Variants in SUMF1 observed in about 807,000 individuals in gnomAD.
SUMF1 encodes the protein formylglycine-generating enzyme.
Under a neutral mutation model 47.6 loss-of-function variants are expected in SUMF1, and 48 were observed. The ratio of observed to expected loss-of-function variants is 1.01; its 90% CI spans 0.80 to 1.28. The LOEUF is 1.28. Among genes scored for constraint, SUMF1 ranks in the 50% most tolerant of loss-of-function variants. The pLI is 0.00. For synonymous variants in SUMF1, 230 were observed against 192.1 expected, an observed-to-expected ratio of 1.20 and a Z score of -1.63; for missense variants, 571 against 485.4, an observed-to-expected ratio of 1.18 and a Z score of -1.66.
At chr3:4,203,894 C>T (rs1013151172) in intron 8 of SUMF1, among the ~76,000 whole-genome samples, 1 of 151,712 alleles carries the variant, frequency 6.6e-6, no homozygotes, top group Non-Finnish European at 1.5e-5. Context: ...ATTTCAACCC[C>T]CTGCTTTTTA....
At chr3:4,093,046 G>T (rs1165543854) in intron 8 of SUMF1, among the ~76,000 whole-genome samples, 1 of 152,080 alleles carries the variant, frequency 6.6e-6, no homozygotes, top group Non-Finnish European at 1.5e-5. Context: ...TCTGCAATTG[G>T]GTAGACTGGC....
At chr3:4,186,290 T>C (rs936298560) in intron 8 of SUMF1, among the ~76,000 whole-genome samples, 2 of 152,154 alleles carry the variant, frequency 1.3e-5, no homozygotes, top group African/African-American at 4.8e-5. Context: ...GGCATAATGT[T>C]TGTATTTGGA....
intron 8 of SUMF1, among the ~76,000 whole-genome samples, chr3:4,132,950 C>A (rs546973515): frequency 1.3e-5 from 2 of 152,160 alleles, no homozygotes; most frequent in South Asian, 2.1e-4. Context: ...ATGGCCCACA[C>A]CCTTCAGGAA....
intron 8 of SUMF1, among the ~76,000 whole-genome samples, chr3:4,331,406 C>A (rs1699049551): frequency 6.6e-6 from 1 of 152,158 alleles, no homozygotes. Context: ...ACAATGTTAA[C>A]TTTTAGTAAC....
At chr3:4,109,831 C>A (rs1196813367) in intron 8 of SUMF1, among the ~76,000 whole-genome samples, 1 of 152,044 alleles carries the variant, frequency 6.6e-6, no homozygotes, top group East Asian at 1.9e-4. Flanking sequence ...TTCATCTAAT[C>A]TTTTTTCAAA....
chr3:4,303,286 C>A, intron 8 of SUMF1: 1 of 1,363,654 alleles, frequency 7.3e-7, no homozygotes, highest in Non-Finnish European at 9.7e-7. Context: ...TCCCATGAGG[C>A]GGTGGGGCCA....
intron 8 of SUMF1, among the ~76,000 whole-genome samples, chr3:4,092,015 CAAGG>C (rs1692798438): frequency 6.6e-6 from 1 of 152,076 alleles, no homozygotes; most frequent in Non-Finnish European, 1.5e-5. Context: ...GCCACATCAG[CAAGG>C]AGTAAAGGAG....
Position 4,328,120 on chromosome 3 carries a change from A to T in SUMF1, c.1014+48210T>A, listed in dbSNP as rs75947703. On this transcript the variant is annotated intron_variant and NMD_transcript_variant, in intron 8 of 12. Transcript: ENST00000448413. Reference sequence around the variant, plus strand: ...GTAGTCCAAGGTACTTAGGAGGCTGAGGTGGGAGGATTGTGTGAGTCTGTA... The same window carrying T: ...GTAGTCCAAGGTACTTAGGAGGCTGTGGTGGGAGGATTGTGTGAGTCTGTA... Among the ~76,000 whole-genome samples, 13 of 152,256 alleles carry T rather than the reference A, an allele frequency of 8.5e-5. No individual in the cohort carries two copies. In the East Asian group the frequency reaches 2.5e-3, roughly 29 times the overall value.
chr3:4,268,202 C>G (rs1247216366), intron 8 of SUMF1, among the ~76,000 whole-genome samples: 4 of 151,166 alleles, frequency 2.6e-5, no homozygotes, highest in Admixed American at 6.6e-5. Context: ...CACATGGACA[C>G]AGGAGGGGGA....
intron 8 of SUMF1, among the ~76,000 whole-genome samples, chr3:4,146,103 C>A (rs1298701166): frequency 6.6e-6 from 1 of 152,108 alleles, no homozygotes; most frequent in African/African-American, 2.4e-5. Flanking sequence ...CTGCCCAAAA[C>A]CGCCAGCAAA....
chr3:4,343,403 C>T (rs1377771352), intron 8 of SUMF1, among the ~76,000 whole-genome samples: 1 of 152,182 alleles, frequency 6.6e-6, no homozygotes, highest in African/African-American at 2.4e-5. Context: ...GAGGGGAGTG[C>T]AAACAATTTA....
chr3:4,255,297 C>G (rs1575025328), intron 8 of SUMF1, among the ~76,000 whole-genome samples: 1 of 93,188 alleles, frequency 1.1e-5, no homozygotes, highest in East Asian at 2.4e-4. Flanking sequence ...ACTAAATGCT[C>G]CAATTAAAAG....
intron 8 of SUMF1, among the ~76,000 whole-genome samples, chr3:4,084,250 G>A (rs909483625): frequency 1.3e-5 from 2 of 152,048 alleles, no homozygotes; most frequent in African/African-American, 4.8e-5. Flanking sequence ...AAATGCAAGT[G>A]GCATAAAAGC....
At chr3:4,239,490 A>T (rs1246004678) in intron 8 of SUMF1, among the ~76,000 whole-genome samples, 3 of 152,094 alleles carry the variant, frequency 2.0e-5, no homozygotes, top group African/African-American at 4.8e-5. Flanking sequence ...GGTCCTTCAC[A>T]TCCCTTGTAA....
intron 8 of SUMF1, among the ~76,000 whole-genome samples, chr3:4,197,305 A>G (rs1453181342): frequency 1.3e-5 from 2 of 152,038 alleles, no homozygotes; most frequent in Admixed American, 1.3e-4. Flanking sequence ...TGTACAGACA[A>G]TGTTTCACCG....
At chr3:4,107,946 A>G (rs994703008) in intron 8 of SUMF1, among the ~76,000 whole-genome samples, 18 of 150,272 alleles carry the variant, frequency 1.2e-4, no homozygotes, top group Middle Eastern at 3.4e-3. Flanking sequence ...GATAAGTAAA[A>G]GAAAAGAAAG....
At chr3:4,360,205 C>CTTT (rs57690047), downstream of SUMF1, among the ~76,000 whole-genome samples, 16,421 of 103,906 alleles carry the variant, frequency 0.16, 1,724 homozygotes, top group East Asian at 0.33. Flanking sequence ...AATGTTTGTT[C>CTTT]TTTTTTTTTT....
chr3:4,229,766 C>T (rs1415408941), intron 8 of SUMF1, among the ~76,000 whole-genome samples: 1 of 152,026 alleles, frequency 6.6e-6, no homozygotes, highest in East Asian at 1.9e-4. Flanking sequence ...CTAATCCCAG[C>T]ACTTTGGGTA....
chr3:4,056,664 A>G (rs1168922126), intron 9 of SUMF1, among the ~76,000 whole-genome samples: 2 of 152,148 alleles, frequency 1.3e-5, no homozygotes, highest in Non-Finnish European at 2.9e-5. Context: ...TCTAAAAAAA[A>G]GCAAAAACAA....
Sources: allele counts gnomAD v4.1 joint callset (sites outside exome capture counted in the v4.1 genomes callset), GRCh38; gene constraint gnomAD v4.1.1; transcripts MANE v1.5; gene names NCBI Gene and HGNC (gene_info 2026-07-23, HGNC 2026-07-21).